Variants in CHRNA1 observed in about 807,000 individuals in gnomAD.
CHRNA1 encodes acetylcholine receptor subunit alpha.
In CHRNA1, 35 loss-of-function variants were observed where a neutral mutation model predicts 47.1. The ratio of observed to expected loss-of-function variants is 0.74; its 90% CI spans 0.57 to 0.99. CHRNA1 has a LOEUF of 0.99. Among genes scored for constraint, CHRNA1 ranks in the 50% least tolerant of loss-of-function variants. CHRNA1 has a pLI of 0.00. For missense variants in CHRNA1, 506 were observed against 591.1 expected, an observed-to-expected ratio of 0.86 and a Z score of 1.49; for synonymous variants, 229 against 223.6, an observed-to-expected ratio of 1.02 and a Z score of -0.22.
chr2:174,753,515 G>A lies in CHRNA1; in HGVS notation c.766C>T (p.Pro256Ser), dbSNP rs1683899724. Residue 256 changes from proline to serine, a missense_variant, in exon 6 of 9, where the codon CCC (proline) becomes TCC (serine). Transcript: ENST00000348749. ...SFLTGLVFYL[P>S]TDSGEKMTLS... Reference sequence around the variant, plus strand: ...CAACCACACCCACCTGAGTCTGTGGGCAGGTAGAATACCAGGCCAGTTAAG... The same window carrying A: ...CAACCACACCCACCTGAGTCTGTGGACAGGTAGAATACCAGGCCAGTTAAG... 1 of 1,614,092 alleles carries A rather than the reference G, an allele frequency of 6.2e-7. No homozygotes were observed. The highest frequency in any genetic ancestry group is 2.2e-5 in the East Asian group (1 of 44,882).
intron 4 of CHRNA1, among the ~76,000 whole-genome samples, chr2:174,754,838 G>A (rs1683945745): frequency 1.3e-5 from 2 of 150,304 alleles, no homozygotes; most frequent in South Asian, 2.1e-4. Context: ...CACCTCCAGC[G>A]ACTCATTACT....
At chr2:174,757,822 C>G (rs1684012736) in intron 3 of CHRNA1, 147 bp from the exon 4 acceptor site, 1 of 967,692 alleles carries the variant, frequency 1.0e-6, no homozygotes, top group African/African-American at 1.6e-5. Flanking sequence ...TTAGCTTTCA[C>G]TTCAGTAAAT....
chr2:174,762,205 T>A (rs755868790), intron 1 of CHRNA1, among the ~76,000 whole-genome samples: 10 of 152,152 alleles, frequency 6.6e-5, no homozygotes, highest in African/African-American at 2.2e-4. Context: ...TATTCTTTTC[T>A]TTTTTCCTCC....
At chr2:174,748,840 A>G (rs2105344472) in intron 7 of CHRNA1, 21 bp from the exon 8 acceptor site, 2 of 1,612,592 alleles carry the variant, frequency 1.2e-6, no homozygotes, top group South Asian at 1.1e-5. Context: ...AAAGAAATCC[A>G]TGCATGAGAA....
intron 6 of CHRNA1, 180 bp downstream of exon 6, chr2:174,753,323 G>T: frequency 1.3e-6 from 1 of 768,816 alleles, no homozygotes; most frequent in South Asian, 1.4e-5. Flanking sequence ...CCCCAGCTGT[G>T]AGCTCCACTC....
At chr2:174,751,356 G>A (rs1171913232) in intron 6 of CHRNA1, among the ~76,000 whole-genome samples, 1 of 152,094 alleles carries the variant, frequency 6.6e-6, no homozygotes, top group East Asian at 1.9e-4. Flanking sequence ...CCTTGCTGTT[G>A]GTGCTGCTGG....
intron 1 of CHRNA1, among the ~76,000 whole-genome samples, chr2:174,761,452 A>G (rs1489165559): frequency 6.6e-6 from 1 of 151,876 alleles, no homozygotes; most frequent in African/African-American, 2.4e-5. Flanking sequence ...TACAAAAATT[A>G]CCTGGGTGCG....
intron 1 of CHRNA1, among the ~76,000 whole-genome samples, chr2:174,764,058 C>T (rs1296090417): frequency 1.3e-5 from 2 of 152,078 alleles, no homozygotes; most frequent in African/African-American, 4.8e-5. Context: ...CAAATGGTGC[C>T]GAGTGTTCAG....
chr2:174,758,579 T>C (rs1319716956), intron 3 of CHRNA1, among the ~76,000 whole-genome samples: 1 of 152,176 alleles, frequency 6.6e-6, no homozygotes, highest in Non-Finnish European at 1.5e-5. Context: ...AACTGGTAAG[T>C]ATATGCAAAT....
intron 4 of CHRNA1, among the ~76,000 whole-genome samples, chr2:174,755,469 G>C (rs921559359): frequency 1.4e-4 from 21 of 151,732 alleles, no homozygotes; most frequent in Non-Finnish European, 2.8e-4. Flanking sequence ...GCCCAGGCTG[G>C]AGTGCAGTGG....
chr2:174,753,867 G>C, intron 5 of CHRNA1, 127 bp from the exon 6 acceptor site: 2 of 881,170 alleles, frequency 2.3e-6, no homozygotes, highest in South Asian at 2.8e-5. Flanking sequence ...AGGGACTGTG[G>C]GACACTACTG....
In CHRNA1 at chr2:174,748,061, C is replaced by T; in HGVS notation, c.*63G>A. 1 of 1,604,648 alleles carries T rather than the reference C, an allele frequency of 6.2e-7. No individual in the cohort carries two copies. Among genetic ancestry groups the T allele is most frequent in the Non-Finnish European group, 8.5e-7 (1 of 1,174,050 alleles). On this transcript the variant is annotated 3_prime_UTR_variant, in exon 9 of 9. Transcript: ENST00000348749. ...GAGTGGAGCAAGTAGACAAATCTTC[C>T]TCTCCTGCCCTTCTCTGCTCTGGTA...
intron 7 of CHRNA1, among the ~76,000 whole-genome samples, chr2:174,749,435 A>G (rs1042215851): frequency 3.3e-5 from 5 of 152,214 alleles, no homozygotes; most frequent in Admixed American, 2.0e-4. Context: ...AAAGAAAGAC[A>G]TATTTGAAAT....
chr2:174,762,107 T>C (rs1574013415), intron 1 of CHRNA1, among the ~76,000 whole-genome samples: 2 of 152,170 alleles, frequency 1.3e-5, no homozygotes, highest in African/African-American at 4.8e-5. Flanking sequence ...CCTCCTCCTT[T>C]CCCACCCTAG....
At chr2:174,756,509 G>C (rs1425868867) in intron 4 of CHRNA1, among the ~76,000 whole-genome samples, 1 of 152,186 alleles carries the variant, frequency 6.6e-6, no homozygotes, top group Non-Finnish European at 1.5e-5. Context: ...CTCCCAATAA[G>C]CAACAAAACA....
intron 1 of CHRNA1, among the ~76,000 whole-genome samples, chr2:174,760,328 A>G (rs13018405): frequency 6.9e-4 from 105 of 152,368 alleles, no homozygotes; most frequent in Admixed American, 1.2e-3. Flanking sequence ...TGGACAAATT[A>G]TGGTATACCC....
chr2:174,748,000 A>G lies in CHRNA1; in HGVS notation c.*124T>C, dbSNP rs773011739. 49 of 1,235,116 alleles carry G rather than the reference A, an allele frequency of 4.0e-5. No homozygotes were observed. Among genetic ancestry groups the G allele is most frequent in the African/African-American group, 5.9e-5 (4 of 67,304 alleles). 76.5% of individuals were successfully genotyped at this position (1,235,116 alleles called of 1,614,324 possible). The stretch of plus-strand genomic sequence containing the variant: ...TACATAAAGGTAAATCTTATCATCA[A>G]TAATAAGTATGGAATATAACACGTT... On this transcript the variant is annotated 3_prime_UTR_variant, in exon 9 of 9. Transcript: ENST00000348749.
rs1416128086 is a variant in CHRNA1, at chr2:174,759,568, T to A, written c.109A>T (p.Ser37Cys). 6.2e-7 allele frequency: 1 copy of A among 1,614,020 alleles called. No homozygotes were observed. The part of the protein sequence containing the change: ...LVAKLFKDYS[S>C]VVRPVEDHRQ... ...TGGTCTTCCACTGGCCGCACCACGC[T>A]GCTGTAGTCTTTAAATAGCTTTGCC... The change falls in exon 2 of 9, where the codon AGC (serine) becomes TGC (cysteine). Residue 37 changes from serine to cysteine, a missense_variant. Physicochemically the swap from Ser to Cys is moderately radical, Grantham distance 112. Transcript: ENST00000348749.
rs199899006 is a variant in CHRNA1 at position 174,759,500 on chromosome 2, C to G, written c.177G>C (p.Gln59His). Residue 59 changes from glutamine (Q) to histidine (H), a missense_variant, in exon 2 of 9, where the codon CAG becomes CAC. Gln to His is a conservative substitution (Grantham distance 24, BLOSUM62 0). Transcript: ENST00000348749. ...GCTCTTGTCTCACCACATTGATGAG[C>G]TGTATCAGCTGCAGGCCCACGGTGA... ...VEVTVGLQLIQLINVDEVNQI... is the reference protein window; with the variant it reads ...VEVTVGLQLIHLINVDEVNQI... 6 of 1,614,140 alleles carry G rather than the reference C, an allele frequency of 3.7e-6. No individual in the cohort carries two copies. The highest frequency in any genetic ancestry group is 1.7e-5 in the Admixed American group (1 of 60,018).
Sources: allele counts gnomAD v4.1 joint callset (sites outside exome capture counted in the v4.1 genomes callset), GRCh38; gene constraint gnomAD v4.1.1; transcripts MANE v1.5; gene names NCBI Gene and HGNC (gene_info 2026-07-23, HGNC 2026-07-21).